Variants in TIMM23 observed in about 807,000 individuals in gnomAD.
TIMM23 encodes mitochondrial import inner membrane translocase subunit Tim23.
A neutral mutation model predicts 30.7 loss-of-function variants in TIMM23; 19 were observed. That is an observed-to-expected ratio of 0.62 (90% CI 0.43 to 0.91). The LOEUF is 0.91. TIMM23 is among the 40% of genes least tolerant of loss of function. TIMM23 has a pLI of 0.00. For synonymous variants in TIMM23, 78 were observed against 98.5 expected (o/e 0.79, Z 1.23); for missense variants, 202 against 269.2 (o/e 0.75, Z 1.75).
At chr10:45,986,345 T>G (rs1837986417) in intron 5 of TIMM23, among the ~76,000 whole-genome samples, 1 of 151,966 alleles carries the variant, frequency 6.6e-6, no homozygotes, top group Non-Finnish European at 1.5e-5. Flanking sequence ...ATACCTAGAG[T>G]AGTCAGCTGT....
intron 6 of TIMM23, among the ~76,000 whole-genome samples, chr10:45,999,142 A>T (rs983929013): frequency 0.019 from 2,854 of 150,810 alleles, 37 homozygotes; most frequent in Admixed American, 0.027. Flanking sequence ...CCTTTTTAAA[A>T]TTTTTTTTTA....
chr10:45,989,211 T>C (rs1179636623), intron 6 of TIMM23, among the ~76,000 whole-genome samples: 2 of 152,208 alleles, frequency 1.3e-5, no homozygotes, highest in African/African-American at 4.8e-5. Flanking sequence ...GCACCTCATA[T>C]AAGTAGAATC....
chr10:45,982,165 A>G (rs1837870521), intron 2 of TIMM23, among the ~76,000 whole-genome samples: 1 of 152,218 alleles, frequency 6.6e-6, no homozygotes, highest in Non-Finnish European at 1.5e-5. Flanking sequence ...GCTGCTACAG[A>G]ATGAAAGTTA....
intron 2 of TIMM23, among the ~76,000 whole-genome samples, chr10:45,977,311 G>A (rs1837702850): frequency 6.6e-6 from 1 of 150,916 alleles, no homozygotes; most frequent in African/African-American, 2.4e-5. Context: ...TGGAGGACTT[G>A]AACTTGCCAA....
At chr10:45,975,622 C>G (rs1319974802) in intron 2 of TIMM23, 110 bp downstream of exon 2, 1 of 1,412,470 alleles carries the variant, frequency 7.1e-7, no homozygotes, top group Admixed American at 2.0e-5. Context: ...CAGTAAGTCT[C>G]TGGTCTCCAT....
At chr10:45,987,774 C>T (rs587647070) in intron 5 of TIMM23, among the ~76,000 whole-genome samples, 102 of 151,960 alleles carry the variant, frequency 6.7e-4, no homozygotes, top group African/African-American at 2.2e-3. Context: ...CACCACCATA[C>T]CAACTAATTT....
intron 3 of TIMM23, 53 bp downstream of exon 3, chr10:45,982,669 T>A (rs1269778439): frequency 6.2e-7 from 1 of 1,607,818 alleles, no homozygotes; most frequent in Non-Finnish European, 8.5e-7. Flanking sequence ...TAGTTGAGGG[T>A]GCGTAAAATC....
intron 2 of TIMM23, among the ~76,000 whole-genome samples, chr10:45,981,126 A>G (rs1374413897): frequency 6.7e-6 from 1 of 148,592 alleles, no homozygotes. Context: ...TTTAGTAGAG[A>G]CGGGGTTTCA....
chr10:46,002,426 C>T, intron 6 of TIMM23: 1 of 791,144 alleles, frequency 1.3e-6, no homozygotes. Flanking sequence ...GCCTCAGCCT[C>T]CCAAAGTGCT....
intron 2 of TIMM23, among the ~76,000 whole-genome samples, chr10:45,980,959 A>C (rs1554913908): frequency 8.1e-6 from 1 of 122,724 alleles, no homozygotes; most frequent in Non-Finnish European, 1.6e-5. Context: ...TTTTTTTTGG[A>C]GATGGAGTCT....
chr10:45,973,900 G>A (rs1489812599), intron 1 of TIMM23, among the ~76,000 whole-genome samples: 1 of 151,270 alleles, frequency 6.6e-6, no homozygotes, highest in African/African-American at 2.4e-5. Context: ...CCATCCTCCT[G>A]TCTCGGCCTC....
intron 2 of TIMM23, among the ~76,000 whole-genome samples, chr10:45,981,852 A>G (rs1434204647): frequency 2.6e-5 from 4 of 152,114 alleles, no homozygotes; most frequent in Non-Finnish European, 5.9e-5. Flanking sequence ...TGTGTTTTTC[A>G]TAAAGGTGCA....
intron 5 of TIMM23, among the ~76,000 whole-genome samples, chr10:45,986,433 C>T (rs1389101451): frequency 6.0e-5 from 9 of 149,604 alleles, no homozygotes; most frequent in African/African-American, 2.2e-4. Context: ...CCCCGCCCCA[C>T]AGTCCTGGAC....
At chr10:45,997,007 G>T (rs1838359788) in intron 6 of TIMM23, among the ~76,000 whole-genome samples, 4 of 150,426 alleles carry the variant, frequency 2.7e-5, no homozygotes. Flanking sequence ...AGAGGCCAAG[G>T]CAGGCAAATG....
At chr10:45,988,129 CAT>C (rs1346411799) in intron 5 of TIMM23, among the ~76,000 whole-genome samples, 4 of 152,118 alleles carry the variant, frequency 2.6e-5, no homozygotes, top group African/African-American at 4.8e-5. Context: ...ACTTGGGCCT[CAT>C]GTGGAAAATT....
chr10:45,984,792 T>C (rs1837949334), intron 4 of TIMM23: 7 of 314,516 alleles, frequency 2.2e-5, no homozygotes, highest in Non-Finnish European at 3.1e-5. Flanking sequence ...TGCTTGGTTC[T>C]AGTCTAGGAG....
intron 6 of TIMM23, among the ~76,000 whole-genome samples, chr10:45,994,682 T>C (rs1444953130): frequency 7.2e-6 from 1 of 139,252 alleles, no homozygotes; most frequent in East Asian, 2.1e-4. Flanking sequence ...GCTCAAGCGA[T>C]CCACCCTGCC....
In TIMM23 at chr10:45,991,366, A is replaced by G. The variant is rs1442145094; in HGVS notation, c.514+2519A>G. Among the ~76,000 whole-genome samples the G allele has an allele frequency of 3.3e-5, 5 of 152,228 alleles. No individual in the cohort carries two copies. The East Asian group carries it at 7.7e-4, about 23-fold the overall frequency. On this transcript the variant is annotated intron_variant, in intron 6 of 6. Coordinates refer to ENST00000580018, the MANE Select transcript of TIMM23 (RefSeq NM_006327.4). ...GAAGATTAAGCTAGAAGTGGTGGGT[A>G]GATAAAATAGATTGGAGGTAGAAGC...
At chr10:45,987,414 G>A (rs1838021570) in intron 5 of TIMM23, among the ~76,000 whole-genome samples, 1 of 152,030 alleles carries the variant, frequency 6.6e-6, no homozygotes, top group South Asian at 2.1e-4. Flanking sequence ...AGCAGGTTGA[G>A]CACTCTGTCC....
Sources: allele counts gnomAD v4.1 joint callset (sites outside exome capture counted in the v4.1 genomes callset), GRCh38; gene constraint gnomAD v4.1.1; transcripts MANE v1.5; gene names NCBI Gene and HGNC (gene_info 2026-07-23, HGNC 2026-07-21).